The following MTURN variants were observed in gnomAD, a reference collection of about 807,000 sequenced individuals.
MTURN encodes maturin, neural progenitor differentiation regulator homolog.
A neutral mutation model predicts 14.9 loss-of-function variants in MTURN; 7 were observed. The ratio of observed to expected loss-of-function variants is 0.47; its 90% confidence interval spans 0.27 to 0.88. MTURN has a LOEUF of 0.88. Among genes scored for constraint, MTURN ranks in the 40% least tolerant of loss-of-function variants. The pLI is 0.14. For missense variants in MTURN, 151 were observed against 174.1 expected, an observed-to-expected ratio of 0.87 and a Z score of 0.75; for synonymous variants, 69 against 72.5, an observed-to-expected ratio of 0.95 and a Z score of 0.25.
chr7:30,136,421 T>G (rs930474052), intron 1 of MTURN, among the ~76,000 whole-genome samples: 1 of 152,074 alleles, frequency 6.6e-6, no homozygotes, highest in Non-Finnish European at 1.5e-5. Flanking sequence ...CGGGTGACCG[T>G]GTGGTCGCGG....
At chr7:30,154,687 T>G (rs773212938) in intron 2 of MTURN, among the ~76,000 whole-genome samples, 1 of 152,184 alleles carries the variant, frequency 6.6e-6, no homozygotes, top group Non-Finnish European at 1.5e-5. Flanking sequence ...AGTGCCAGTG[T>G]CTTTTTCCAC....
intron 2 of MTURN, among the ~76,000 whole-genome samples, chr7:30,153,163 A>C (rs999393458): frequency 6.6e-6 from 1 of 152,136 alleles, no homozygotes; most frequent in Non-Finnish European, 1.5e-5. Context: ...AATTCTTCCC[A>C]GTCTGTGTGT....
chr7:30,137,150 C>G (rs1239518330), intron 1 of MTURN: 1 of 156,386 alleles, frequency 6.4e-6, no homozygotes, highest in Non-Finnish European at 1.4e-5. Context: ...GGAAAGGGCA[C>G]CAGAATCCAG....
chr7:30,145,720 G>C, intron 1 of MTURN: 4 of 1,108,958 alleles, frequency 3.6e-6, no homozygotes, highest in Non-Finnish European at 3.7e-6. Context: ...AGGCCGATCT[G>C]GGTAAAGAAT....
chr7:30,135,823 C>T (rs1012003864), intron 1 of MTURN, among the ~76,000 whole-genome samples: 1 of 152,250 alleles, frequency 6.6e-6, no homozygotes, highest in African/African-American at 2.4e-5. Flanking sequence ...CGGGAGAACC[C>T]CACTCCCCGC....
chr7:30,159,149 CT>C lies in MTURN; in HGVS notation c.*1605del, dbSNP rs1160034426. 3 of 152,148 alleles carry C rather than the reference CT, an allele frequency of 2.0e-5. No individual in the cohort carries two copies. Among genetic ancestry groups the C allele is most frequent in the Non-Finnish European group, 4.4e-5 (3 of 68,006 alleles). 9.4% of individuals were successfully genotyped at this position (152,148 alleles called of 1,614,324 possible). A position where few individuals can be genotyped will look rare whatever the true frequency, so the allele number is the denominator to read the frequency against. On this transcript the variant is annotated 3_prime_UTR_variant, in exon 3 of 3. Coordinates refer to ENST00000324453, the MANE Select transcript of MTURN (RefSeq NM_152793.3). ...TGTGCTTCAGTACCCACTTTGTGTT[CT>C]TTTCTTGAAAAGTCATACTAAAGGT... is the stretch of plus-strand genomic sequence containing the variant.
chr7:30,162,327 C>T lies in MTURN; in HGVS notation c.*4779C>T, dbSNP rs78306410. 3.9e-5 allele frequency: 6 copies of T among 152,036 alleles called. No homozygotes were observed. The highest frequency in any genetic ancestry group is 4.1e-4 in the South Asian group (2 of 4,824). 9.4% of individuals were successfully genotyped at this position (152,036 alleles called of 1,614,324 possible). On this transcript the variant is annotated 3_prime_UTR_variant, in exon 3 of 3. Transcript: ENST00000324453. Reference sequence around the variant, plus strand: ...TAGGCAGATAAAGATAAGAGTAGTGCGCAGTACAAATGTCAGCTCTGAAGA... The same window carrying T: ...TAGGCAGATAAAGATAAGAGTAGTGTGCAGTACAAATGTCAGCTCTGAAGA...
chr7:30,135,461 G>A (rs988698850), intron 1 of MTURN, among the ~76,000 whole-genome samples, 163 bp downstream of exon 1: 154 of 151,104 alleles, frequency 1.0e-3, no homozygotes, highest in Non-Finnish European at 2.2e-4. Context: ...CCCCGGGCCG[G>A]GCGGTGCGGG....
Position 30,146,201 on chromosome 7 carries a change from T to A in MTURN, c.187T>A (p.Cys63Ser). ...NFHVWSESEDCLPFLQLAQDY... is the reference protein window; with the variant it reads ...NFHVWSESEDSLPFLQLAQDY... Reference sequence around the variant, plus strand: ...GCACGTGTGGAGTGAGAGCGAGGACTGCCTGCCTTTCTTGCAGCTAGCACA... The same window carrying A: ...GCACGTGTGGAGTGAGAGCGAGGACAGCCTGCCTTTCTTGCAGCTAGCACA... The change falls in exon 2 of 3, where the codon TGC becomes AGC. Residue 63 changes from cysteine (C) to serine (S), a missense_variant. Coordinates refer to ENST00000324453, the MANE Select transcript of MTURN (RefSeq NM_152793.3). The A allele has an allele frequency of 6.2e-7, 1 of 1,614,208 alleles. No individual in the cohort carries two copies. The highest frequency in any genetic ancestry group is 1.1e-5 in the South Asian group (1 of 91,088).
intron 1 of MTURN, chr7:30,141,408 C>A (rs896826940): frequency 7.6e-6 from 1 of 131,192 alleles, no homozygotes; most frequent in East Asian, 2.3e-4. Flanking sequence ...GAGCAAGACT[C>A]CGTCTCAAAA....
At chr7:30,154,213 C>G (rs762337021) in intron 2 of MTURN, among the ~76,000 whole-genome samples, 5 of 152,158 alleles carry the variant, frequency 3.3e-5, no homozygotes, top group African/African-American at 9.7e-5. Context: ...CACGTGGTCC[C>G]GTGGTGGTGG....
At chr7:30,138,002 T>C (rs1057026086) in intron 1 of MTURN, among the ~76,000 whole-genome samples, 19 of 152,234 alleles carry the variant, frequency 1.2e-4, no homozygotes, top group Non-Finnish European at 2.1e-4. Context: ...TAGGAAGCAG[T>C]GTGGTGTGGT....
In MTURN at chr7:30,135,193, C is replaced by A; in HGVS notation, c.57C>A (p.Phe19Leu). 6.6e-7 allele frequency: 1 copy of A among 1,504,976 alleles called. No homozygotes were observed. The highest frequency in any genetic ancestry group is 8.9e-7 in the Non-Finnish European group (1 of 1,124,874). The allele number at this position is 1,504,976 out of a possible 1,614,324, so 93.2% of individuals were successfully genotyped here. Residue 19 changes from phenylalanine to leucine, a missense_variant, in exon 1 of 3, where the codon TTC becomes TTA. Coordinates refer to ENST00000324453, the MANE Select transcript of MTURN (RefSeq NM_152793.3). Reference protein sequence around the residue: ...VAEKWCSNTPFELIATEETER... With the variant: ...VAEKWCSNTPLELIATEETER... Reference sequence around the variant, plus strand: ...AGAAATGGTGCTCCAACACGCCCTTCGAGCTCATCGCCACCGAGGAGACCG... The same window carrying A: ...AGAAATGGTGCTCCAACACGCCCTTAGAGCTCATCGCCACCGAGGAGACCG...
Position 30,160,297 on chromosome 7 carries a change from C to G in MTURN, c.*2749C>G, listed in dbSNP as rs192748203. 1 of 152,290 alleles carries G rather than the reference C, an allele frequency of 6.6e-6. No individual in the cohort carries two copies. Among genetic ancestry groups the G allele is most frequent in the Non-Finnish European group, 1.5e-5 (1 of 68,100 alleles). 9.4% of individuals were successfully genotyped at this position (152,290 alleles called of 1,614,324 possible). A position where few individuals can be genotyped will look rare whatever the true frequency, so the allele number is the denominator to read the frequency against. Reference sequence around the variant, plus strand: ...GTGAGTGCCCAAGCCCCTGAGGGCTCGATCTCATGGGGCAGATGAAATTCT... The same window carrying G: ...GTGAGTGCCCAAGCCCCTGAGGGCTGGATCTCATGGGGCAGATGAAATTCT... On this transcript the variant is annotated 3_prime_UTR_variant, in exon 3 of 3. Transcript: ENST00000324453.
intron 1 of MTURN, among the ~76,000 whole-genome samples, chr7:30,138,091 A>G (rs561342877): frequency 5.9e-5 from 9 of 152,184 alleles, no homozygotes; most frequent in African/African-American, 2.2e-4. Context: ...TGGGAAAGTT[A>G]TTTAACCCCT....
At chr7:30,145,780 C>T in intron 1 of MTURN, 1 of 1,452,126 alleles carries the variant, frequency 6.9e-7, no homozygotes, top group Non-Finnish European at 9.2e-7. Context: ...AATCTTTCAG[C>T]CGTAGCTGAA....
At chr7:30,157,212 C>T (rs1261485927) in intron 2 of MTURN, among the ~76,000 whole-genome samples, 2 of 152,184 alleles carry the variant, frequency 1.3e-5, no homozygotes, top group East Asian at 3.8e-4. Context: ...AAAATAGAGA[C>T]TCTCCAGGCT....
At chr7:30,136,054 C>G (rs186175948) in intron 1 of MTURN, among the ~76,000 whole-genome samples, 9 of 152,352 alleles carry the variant, frequency 5.9e-5, no homozygotes, top group African/African-American at 1.9e-4. Flanking sequence ...CCTGCCCCCG[C>G]GCTGCCCTCG....
At chr7:30,135,668 C>T (rs1444291783) in intron 1 of MTURN, among the ~76,000 whole-genome samples, 1 of 152,148 alleles carries the variant, frequency 6.6e-6, no homozygotes, top group Non-Finnish European at 1.5e-5. Flanking sequence ...GTGGGTGTCA[C>T]CCGCGTCGGA....
Sources: allele counts gnomAD v4.1 joint callset (sites outside exome capture counted in the v4.1 genomes callset), GRCh38; gene constraint gnomAD v4.1.1; transcripts MANE v1.5; gene names NCBI Gene and HGNC (gene_info 2026-07-23, HGNC 2026-07-21).